RBPMS: variants seen among roughly 807,000 people sequenced by gnomAD.
The protein encoded by RBPMS is RNA binding protein, mRNA processing factor.
A neutral mutation model predicts 26.8 loss-of-function variants in RBPMS; 7 were observed. The ratio of observed to expected loss-of-function variants is 0.26; its 90% confidence interval spans 0.15 to 0.49. The LOEUF (loss-of-function observed/expected upper bound fraction) is 0.49. Among genes scored for constraint, RBPMS ranks in the 20% least tolerant of loss-of-function variants. The pLI is 0.98. For synonymous variants in RBPMS, 96 were observed against 93.3 expected (o/e 1.03, Z -0.17); for missense variants, 186 against 250.0 (o/e 0.74, Z 1.73).
chr8:30,568,388 A>G (rs3757916), intron 8 of RBPMS, among the ~76,000 whole-genome samples: 120,757 of 152,036 alleles, frequency 0.79, 48,490 homozygotes, highest in African/African-American at 0.89. Context: ...CTGACTGGGT[A>G]CGAAGAGACC....
At chr8:30,480,793 T>C (rs1217451391) in intron 4 of RBPMS, among the ~76,000 whole-genome samples, 1 of 152,250 alleles carries the variant, frequency 6.6e-6, no homozygotes, top group Non-Finnish European at 1.5e-5. Flanking sequence ...CACTTTAAAC[T>C]TAAAAGTAGA....
chr8:30,478,582 C>T (rs1817945497), intron 3 of RBPMS, among the ~76,000 whole-genome samples: 1 of 150,764 alleles, frequency 6.6e-6, no homozygotes, highest in Non-Finnish European at 1.5e-5. Context: ...TCACTGCAAC[C>T]TCCGCCTCCC....
At chr8:30,485,784 A>G (rs746253776) in intron 4 of RBPMS, among the ~76,000 whole-genome samples, 3 of 152,222 alleles carry the variant, frequency 2.0e-5, no homozygotes, top group Non-Finnish European at 4.4e-5. Context: ...AGAAAGCACT[A>G]GTTAACAAGT....
At chr8:30,526,504 C>A (rs1052995601) in intron 5 of RBPMS, among the ~76,000 whole-genome samples, 1 of 152,190 alleles carries the variant, frequency 6.6e-6, no homozygotes, top group African/African-American at 2.4e-5. Flanking sequence ...TGAAAACAAT[C>A]CACTGAGATA....
chr8:30,450,301 A>C (rs1814412416), intron 1 of RBPMS, among the ~76,000 whole-genome samples: 1 of 152,188 alleles, frequency 6.6e-6, no homozygotes, highest in African/African-American at 2.4e-5. Context: ...AAGAATTCAT[A>C]ATTAAGCAAT....
At chr8:30,464,170 C>T (rs976449994) in intron 1 of RBPMS, among the ~76,000 whole-genome samples, 1 of 152,122 alleles carries the variant, frequency 6.6e-6, no homozygotes, top group African/African-American at 2.4e-5. Flanking sequence ...TTCATATTTA[C>T]GTGTTCATAT....
intron 1 of RBPMS, among the ~76,000 whole-genome samples, chr8:30,440,842 G>T (rs534960451): frequency 6.6e-6 from 1 of 150,894 alleles, no homozygotes; most frequent in East Asian, 1.9e-4. Flanking sequence ...CACCCAGGGT[G>T]GGGTGCAGTG....
intron 6 of RBPMS, among the ~76,000 whole-genome samples, chr8:30,546,066 G>T (rs1055497936): frequency 6.6e-6 from 1 of 152,146 alleles, no homozygotes; most frequent in Non-Finnish European, 1.5e-5. Context: ...GTAAACCTGT[G>T]GGTGTCTTCT....
At chr8:30,452,863 G>A (rs1159507195) in intron 1 of RBPMS, among the ~76,000 whole-genome samples, 1 of 152,190 alleles carries the variant, frequency 6.6e-6, no homozygotes, top group Non-Finnish European at 1.5e-5. Context: ...AATAGTTACT[G>A]TTTGCTAGTC....
chr8:30,411,692 G>C (rs1165906657), intron 1 of RBPMS, among the ~76,000 whole-genome samples: 1 of 92,322 alleles, frequency 1.1e-5, no homozygotes, highest in African/African-American at 4.3e-5. Context: ...AAAGAAAAAG[G>C]AAATGTTTAG....
intron 5 of RBPMS, among the ~76,000 whole-genome samples, chr8:30,534,213 G>A (rs1824567033): frequency 6.6e-6 from 1 of 152,100 alleles, no homozygotes; most frequent in African/African-American, 2.4e-5. Flanking sequence ...TGTCAGGAAT[G>A]TAGACTCTGG....
intron 5 of RBPMS, among the ~76,000 whole-genome samples, chr8:30,541,058 C>G (rs1184820684): frequency 1.3e-5 from 2 of 152,154 alleles, no homozygotes; most frequent in African/African-American, 4.8e-5. Flanking sequence ...CAAAAAAGTT[C>G]TTAAACCTTG....
At chr8:30,510,490 A>C (rs1240813057) in intron 5 of RBPMS, among the ~76,000 whole-genome samples, 1 of 145,234 alleles carries the variant, frequency 6.9e-6, no homozygotes, top group East Asian at 2.1e-4. Flanking sequence ...GTCTCACATC[A>C]CCACACTGCC....
intron 5 of RBPMS, among the ~76,000 whole-genome samples, chr8:30,536,392 G>A (rs944731799): frequency 6.6e-6 from 1 of 152,180 alleles, no homozygotes; most frequent in Non-Finnish European, 1.5e-5. Context: ...CTCCCAAAGT[G>A]CTGGGACTAT....
At chr8:30,476,299 C>T (rs1817686110) in intron 2 of RBPMS, among the ~76,000 whole-genome samples, 1 of 152,206 alleles carries the variant, frequency 6.6e-6, no homozygotes, top group African/African-American at 2.4e-5. Context: ...CCTCTCTGTT[C>T]TGAACTATTA....
intron 1 of RBPMS, among the ~76,000 whole-genome samples, chr8:30,466,847 G>A (rs904086167): frequency 2.0e-5 from 3 of 151,954 alleles, no homozygotes; most frequent in Admixed American, 6.6e-5. Context: ...CACCTGCCTC[G>A]GCCTCCCAAA....
At chr8:30,562,722 A>G (rs1827601261) in intron 7 of RBPMS, among the ~76,000 whole-genome samples, 1 of 152,228 alleles carries the variant, frequency 6.6e-6, no homozygotes, top group South Asian at 2.1e-4. Flanking sequence ...TCATTGGCAG[A>G]GGCCCACATG....
At chr8:30,452,290 A>G (rs1014366382) in intron 1 of RBPMS, among the ~76,000 whole-genome samples, 7 of 152,194 alleles carry the variant, frequency 4.6e-5, no homozygotes, top group Non-Finnish European at 1.5e-5. Context: ...ACTGGAAGCA[A>G]TGAGTAACTC....
intron 1 of RBPMS, among the ~76,000 whole-genome samples, chr8:30,408,252 G>A (rs1808877117): frequency 6.6e-6 from 1 of 152,154 alleles, no homozygotes; most frequent in African/African-American, 2.4e-5. Context: ...TACTCCAGCT[G>A]GGCACAGTGC....
Sources: gnomAD v4.1 joint callset for allele counts (sites outside exome capture counted in the v4.1 genomes callset) on GRCh38, gnomAD v4.1.1 for gene constraint, MANE v1.5 for transcripts, NCBI Gene and HGNC (gene_info 2026-07-23, HGNC 2026-07-21) for gene names.